Variants in SCAMP4 observed in about 807,000 individuals in gnomAD.
SCAMP4 encodes the protein secretory carrier-associated membrane protein 4.
Under a neutral mutation model 32.1 loss-of-function variants are expected in SCAMP4, and 19 were observed. That is an observed-to-expected ratio of 0.59 (90% CI 0.41 to 0.87). SCAMP4 has a LOEUF of 0.87. Ranked by LOEUF, SCAMP4 falls within the 40% of genes least tolerant of loss-of-function variation. The pLI is 0.00. For synonymous variants in SCAMP4, 152 were observed against 132.7 expected (o/e 1.15, Z -1.00); for missense variants, 302 against 309.0 (o/e 0.98, Z 0.17).
At chr19:1,907,759 T>C (rs2013211371) in intron 1 of SCAMP4, among the ~76,000 whole-genome samples, 1 of 152,068 alleles carries the variant, frequency 6.6e-6, no homozygotes, top group African/African-American at 2.4e-5. Context: ...GTCCCAGTGG[T>C]CGGTCGCCTG....
chr19:1,911,799 TAAAA>T, intron 1 of SCAMP4: 1 of 396,960 alleles, frequency 2.5e-6, no homozygotes, highest in Non-Finnish European at 4.3e-6. Context: ...AAAAATAAAA[TAAAA>T]AAAAAAGAAA....
Position 1,923,817 on chromosome 19 carries a change from G to T in SCAMP4, c.514-291G>T, listed in dbSNP as rs564014466. Reference sequence around the variant, plus strand: ...TGTTTTTGTATTTTTGGTAGAGACAGGTTTTCACCGTGTTAGCCAGGATGG... The same window carrying T: ...TGTTTTTGTATTTTTGGTAGAGACATGTTTTCACCGTGTTAGCCAGGATGG... On this transcript the variant is annotated intron_variant, in intron 6 of 6. Coordinates refer to ENST00000316097, the MANE Select transcript of SCAMP4 (RefSeq NM_079834.4). Among the ~76,000 whole-genome samples, 21 of 129,152 alleles carry T rather than the reference G, an allele frequency of 1.6e-4. 2 individuals are homozygous for T. Among genetic ancestry groups the T allele is most frequent in the Non-Finnish European group, 3.1e-4 (19 of 62,246 alleles). The allele number at this position is 129,152 out of a possible 152,430, so 84.7% of individuals were successfully genotyped here. A position where few individuals can be genotyped will look rare whatever the true frequency, so the allele number is the denominator to read the frequency against.
At chr19:1,923,460 G>A (rs1008800893) in intron 6 of SCAMP4, among the ~76,000 whole-genome samples, 7 of 152,196 alleles carry the variant, frequency 4.6e-5, no homozygotes, top group African/African-American at 1.7e-4. Flanking sequence ...GGGGTTGTGT[G>A]TAAACCGCAG....
chr19:1,918,303 G>A lies in SCAMP4; in HGVS notation c.293+20G>A, dbSNP rs2013804693. The A allele has an allele frequency of 1.3e-6, 2 of 1,575,850 alleles. No homozygotes were observed. The highest frequency in any genetic ancestry group is 1.7e-6 in the Non-Finnish European group (2 of 1,164,980). On this transcript the variant is annotated intron_variant, in intron 4 of 6. Transcript: ENST00000316097. ...CTTCCGGTGAGCAGAGCTGCCGGGGGCCGTCTGCACCCAGAGGGAACCAGG... is the reference window on the plus strand; with the variant it reads ...CTTCCGGTGAGCAGAGCTGCCGGGGACCGTCTGCACCCAGAGGGAACCAGG...
At chr19:1,907,756 T>G (rs774268388) in intron 1 of SCAMP4, among the ~76,000 whole-genome samples, 24 of 152,020 alleles carry the variant, frequency 1.6e-4, no homozygotes, top group Admixed American at 2.0e-4. Context: ...GGGGTCCCAG[T>G]GGTCGGTCGC....
chr19:1,913,357 CCTT>C lies in SCAMP4; in HGVS notation c.-41-1619_-41-1617del, dbSNP rs1304008431. On this transcript the variant is annotated intron_variant, in intron 1 of 6. Transcript: ENST00000316097. ...TGGGGCCACCCCGTGCCAGCGGTGC[CCTT>C]CTGCGGCCGCCCTTGCTGCGTTTGT... 5.6e-6 allele frequency: 4 copies of C among 718,492 alleles called. No homozygotes were observed. In the Admixed American group the frequency reaches 1.3e-4, roughly 23 times the overall value. 44.5% of individuals were successfully genotyped at this position (718,492 alleles called of 1,614,324 possible).
chr19:1,920,192 C>T lies in SCAMP4; in HGVS notation c.395+1202C>T, dbSNP rs537097297. 253 of 985,370 alleles carry T rather than the reference C, an allele frequency of 2.6e-4. 1 individual carries two copies. In the African/African-American group the frequency reaches 3.7e-3, roughly 14 times the overall value. The allele number at this position is 985,370 out of a possible 1,614,324, so 61.0% of individuals were successfully genotyped here. On this transcript the variant is annotated intron_variant, in intron 5 of 6. Transcript: ENST00000316097. Reference sequence around the variant, plus strand: ...TGCAGAGAGTGACTGTTCTCGCCCACGTCCCCGACGTGTCTCCCTTGTCCT... The same window carrying T: ...TGCAGAGAGTGACTGTTCTCGCCCATGTCCCCGACGTGTCTCCCTTGTCCT...
intron 1 of SCAMP4, 57 bp from the exon 2 acceptor site, chr19:1,914,922 T>C (rs539531790): frequency 8.3e-6 from 12 of 1,448,622 alleles, no homozygotes; most frequent in Non-Finnish European, 1.1e-5. Flanking sequence ...GGGTGGGTGG[T>C]TAGCGCTCTG....
chr19:1,921,066 T>G, intron 5 of SCAMP4: 1 of 985,364 alleles, frequency 1.0e-6, no homozygotes, highest in African/African-American at 1.7e-5. Context: ...GCCCCCCTTG[T>G]AATGAGAGAA....
intron 1 of SCAMP4, chr19:1,914,519 T>C (rs1213922171): frequency 1.0e-5 from 2 of 192,710 alleles, no homozygotes; most frequent in Non-Finnish European, 2.2e-5. Context: ...CTAGATCCAC[T>C]CAGTCGTGGG....
chr19:1,921,672 T>C (rs2013924998), intron 5 of SCAMP4: 2 of 984,834 alleles, frequency 2.0e-6, no homozygotes, highest in Non-Finnish European at 2.4e-6. Flanking sequence ...CAAACAGAGG[T>C]TTACTTTTTT....
intron 2 of SCAMP4, among the ~76,000 whole-genome samples, chr19:1,916,895 GC>G: frequency 6.6e-6 from 1 of 152,374 alleles, no homozygotes; most frequent in East Asian, 1.9e-4. Flanking sequence ...GTCCCTGCCT[GC>G]CGGAGGGAAT....
intron 6 of SCAMP4, among the ~76,000 whole-genome samples, 170 bp downstream of exon 6, chr19:1,923,357 ACCAGGGACACTC>A (rs1432677100): frequency 3.3e-5 from 5 of 152,110 alleles, no homozygotes; most frequent in African/African-American, 1.2e-4. Flanking sequence ...AGGCACTGTC[ACCAGGGACACTC>A]CCAGGGACCC....
intron 1 of SCAMP4, chr19:1,912,329 G>A (rs1467331543): frequency 1.3e-6 from 2 of 1,538,076 alleles, no homozygotes; most frequent in African/African-American, 1.4e-5. Flanking sequence ...TCAAGCGGGT[G>A]CGGCCCAGCC....
Position 1,918,202 on chromosome 19 carries a change from T to A in SCAMP4, c.212T>A (p.Phe71Tyr). 6.2e-7 allele frequency: 1 copy of A among 1,612,412 alleles called. No individual in the cohort carries two copies. Among genetic ancestry groups the A allele is most frequent in the Non-Finnish European group, 8.5e-7 (1 of 1,179,840 alleles). ...ATCGGCGGAGGCTCGGGGACCAACT[T>A]CGGCCTGGCCTTCGTGTGGCTGCTC... ...WWIGGGSGTN[F>Y]GLAFVWLLLF... The change falls in exon 4 of 7, where the codon TTC (phenylalanine) becomes TAC (tyrosine). Residue 71 changes from phenylalanine (F) to tyrosine (Y), a missense_variant. Phe to Tyr is a conservative substitution (Grantham distance 22). Transcript: ENST00000316097.
At chr19:1,915,403 C>G (rs1599247616) in intron 2 of SCAMP4, 2 of 291,228 alleles carry the variant, frequency 6.9e-6, no homozygotes, top group Middle Eastern at 1.1e-3. Flanking sequence ...GGGCCTCTTG[C>G]TGTCTGACTC....
In SCAMP4 at chr19:1,908,779, G is replaced by A; in HGVS notation, c.-42+3340G>A. On this transcript the variant is annotated intron_variant, in intron 1 of 6. Coordinates refer to ENST00000316097, the MANE Select transcript of SCAMP4 (RefSeq NM_079834.4). This position sits in a 1 kb window ranked among gnomAD's most constrained non-coding sequence, Gnocchi z 4.2. Reference sequence around the variant, plus strand: ...CTCCTGAGTAGCTGGGACTACATGTGCACACCACCGTGCCCAACTAATTTA... The same window carrying A: ...CTCCTGAGTAGCTGGGACTACATGTACACACCACCGTGCCCAACTAATTTA... 8.5e-6 allele frequency: 3 copies of A among 351,912 alleles called. No homozygotes were observed. The highest frequency in any genetic ancestry group is 6.6e-5 in the South Asian group (3 of 45,358). The allele number at this position is 351,912 out of a possible 1,614,324, so 21.8% of individuals were successfully genotyped here. A position where few individuals can be genotyped will look rare whatever the true frequency, so the allele number is the denominator to read the frequency against.
At chr19:1,915,572 G>A (rs1254907427) in intron 2 of SCAMP4, 1 of 165,824 alleles carries the variant, frequency 6.0e-6, no homozygotes, top group African/African-American at 2.4e-5. Flanking sequence ...TGGGAATATG[G>A]CCTTAACTCC....
chr19:1,912,630 C>T (rs1317880592), intron 1 of SCAMP4: 10 of 1,444,688 alleles, frequency 6.9e-6, no homozygotes, highest in South Asian at 4.1e-5. Context: ...CCACATGGAG[C>T]GGGCGGTGTG....
Sources: gnomAD v4.1 joint callset for allele counts (sites outside exome capture counted in the v4.1 genomes callset) on GRCh38, gnomAD v4.1.1 for gene constraint, Gnocchi (gnomAD v3.1) non-coding constraint, MANE v1.5 for transcripts, NCBI Gene and HGNC (gene_info 2026-07-23, HGNC 2026-07-21) for gene names.